CAMKK2: variants seen among roughly 807,000 people sequenced by gnomAD.
CAMKK2 encodes calcium/calmodulin-dependent protein kinase kinase 2.
A neutral mutation model predicts 67.2 loss-of-function variants in CAMKK2; 30 were observed. That is an observed-to-expected ratio of 0.45 (90% CI 0.33 to 0.61). CAMKK2 has a LOEUF of 0.61. Ranked by LOEUF, CAMKK2 falls within the 20% of genes least tolerant of loss-of-function variation. The probability of loss-of-function intolerance (pLI) is 0.02; values close to 1 mark genes in which losing one functional copy is unlikely to be tolerated. For missense variants in CAMKK2, 643 were observed against 802.0 expected (o/e 0.80, Z 2.39); for synonymous variants, 322 against 326.2 (o/e 0.99, Z 0.14).
chr12:121,297,002 G>A (rs1431119303), upstream of CAMKK2: 1 of 153,210 alleles, frequency 6.5e-6, no homozygotes, highest in Non-Finnish European at 1.5e-5. Flanking sequence ...CGAAGAACGG[G>A]GGAAGAGAGG....
rs200977605 is a variant in CAMKK2, at chr12:121,243,997, G to A, written c.1596+576C>T. The A allele has an allele frequency of 6.3e-4, 963 of 1,534,344 alleles. 13 individuals carry two copies. The highest frequency in any genetic ancestry group is 1.4e-4 in the Non-Finnish European group (165 of 1,138,644). Reference sequence around the variant, plus strand: ...GGACACAAAGCCTCATCTGTCCTGGGAGGTTCTGGTCACCTGGGCTGGCTA... The same window carrying A: ...GGACACAAAGCCTCATCTGTCCTGGAAGGTTCTGGTCACCTGGGCTGGCTA... On this transcript the variant is annotated intron_variant, in intron 16 of 16. Coordinates refer to ENST00000404169, the MANE Select transcript of CAMKK2 (RefSeq NM_001270485.2).
intron 5 of CAMKK2, among the ~76,000 whole-genome samples, chr12:121,264,691 G>C (rs568678936): frequency 6.6e-6 from 1 of 151,878 alleles, no homozygotes; most frequent in East Asian, 1.9e-4. Context: ...GGAGAATGGC[G>C]TGAACCTGGG....
At position 121,255,624 on chromosome 12, in the gene CAMKK2, A is replaced by G; in HGVS notation, c.833T>C (p.Val278Ala). The G allele has an allele frequency of 6.2e-7, 1 of 1,612,878 alleles. No homozygotes were observed. Among genetic ancestry groups the G allele is most frequent in the South Asian group, 1.1e-5 (1 of 90,862 alleles). The change falls in exon 9 of 17, where the codon GTG becomes GCG. Residue 278 changes from valine (V) to alanine (A), a missense_variant. Around this residue, in one of 3 missense-constraint regions of CAMKK2, gnomAD observed 483 missense variants for 625.8 expected, o/e 0.77. Transcript: ENST00000404169. Reference sequence around the variant, plus strand: ...TTCAGAGAGTGGTTTGAGGGTGGGCACTTCCATCACGGGCCTGAAAGGTCG... The same window carrying G: ...TTCAGAGAGTGGTTTGAGGGTGGGCGCTTCCATCACGGGCCTGAAAGGTCG... ...ELVNQGPVME[V>A]PTLKPLSEDQ... is the part of the protein sequence containing the mutation.
At chr12:121,271,414 C>G (rs1279830267) in intron 2 of CAMKK2, among the ~76,000 whole-genome samples, 1 of 152,138 alleles carries the variant, frequency 6.6e-6, no homozygotes, top group African/African-American at 2.4e-5. Flanking sequence ...CAGGTGGCCA[C>G]TCTCTTGACT....
At position 121,255,787 on chromosome 12, in the gene CAMKK2, G is replaced by A. The variant is rs1161270986; in HGVS notation, c.814C>T (p.Gln272Ter). The A allele has an allele frequency of 6.2e-7, 1 of 1,613,934 alleles. No homozygotes were observed. Among genetic ancestry groups the A allele is most frequent in the Non-Finnish European group, 8.5e-7 (1 of 1,179,922 alleles). ...HLYMVFELVNQGPVMEVPTLK... is the reference protein window; with the variant it reads ...HLYMVFELVN ...GCTGGGAGCTGGGACACTCACCCTT[G>A]GTTGACCAGTTCGAACACTGTAGGG... The change falls in exon 8 of 17, where the codon CAA becomes TAA. Residue 272 changes from glutamine (Q) to a stop codon, truncating the protein, a stop_gained. Coordinates refer to ENST00000404169, the MANE Select transcript of CAMKK2 (RefSeq NM_001270485.2). LOFTEE classifies it high-confidence loss of function.
intron 1 of CAMKK2, among the ~76,000 whole-genome samples, chr12:121,288,691 C>T (rs1157216984): frequency 3.3e-5 from 5 of 152,148 alleles, no homozygotes; most frequent in Non-Finnish European, 5.9e-5. Flanking sequence ...GCCTAAGCCA[C>T]GTGGGCAGAG....
At chr12:121,258,842 A>ATTTTT (rs63519464) in intron 7 of CAMKK2, among the ~76,000 whole-genome samples, 1 of 129,588 alleles carries the variant, frequency 7.7e-6, no homozygotes, top group Non-Finnish European at 1.6e-5. Flanking sequence ...GTCAAAGCCA[A>ATTTTT]TTTTTTTTTT....
chr12:121,243,910 G>A, intron 16 of CAMKK2: 2 of 1,411,208 alleles, frequency 1.4e-6, no homozygotes, highest in Non-Finnish European at 9.2e-7. Context: ...AAGGGCAGTG[G>A]GGTCCCCACC....
chr12:121,267,477 C>T (rs1217822811), intron 5 of CAMKK2, among the ~76,000 whole-genome samples: 1 of 149,984 alleles, frequency 6.7e-6, no homozygotes, highest in African/African-American at 2.5e-5. Context: ...GCAACCATCA[C>T]CATTATCTAT....
Position 121,274,312 on chromosome 12 carries a change from C to T in CAMKK2, c.215G>A (p.Arg72Gln), listed in dbSNP as rs201878323. Reference protein sequence around the residue: ...CAVDLGLARDRPLEADGQEVP... With the variant: ...CAVDLGLARDQPLEADGQEVP... The stretch of plus-strand genomic sequence containing the variant: ...CTCTTGGCCATCGGCCTCCAGGGGC[C>T]GGTCCCGCGCCAAGCCGAGGTCCAC... The change falls in exon 2 of 17, where the codon CGG (arginine) becomes CAG (glutamine). Residue 72 changes from arginine (R) to glutamine (Q), a missense_variant. Around this residue, in one of 3 missense-constraint regions of CAMKK2, gnomAD observed 483 missense variants for 625.8 expected, o/e 0.77. Coordinates refer to ENST00000404169, the MANE Select transcript of CAMKK2 (RefSeq NM_001270485.2). 154 of 1,612,986 alleles carry T rather than the reference C, an allele frequency of 9.5e-5. 1 individual carries two copies. In the South Asian group the frequency reaches 1.2e-3, roughly 12 times the overall value.
intron 1 of CAMKK2, among the ~76,000 whole-genome samples, chr12:121,283,658 T>A (rs535749075): frequency 5.3e-5 from 8 of 152,010 alleles, no homozygotes; most frequent in Non-Finnish European, 7.4e-5. Flanking sequence ...ACAAAAAAAA[T>A]TTTTTAAATT....
rs1160751187 is a variant in CAMKK2, at chr12:121,253,205, C to T, written c.1107+68G>A. On this transcript the variant is annotated intron_variant, in intron 10 of 16. Transcript: ENST00000404169. The surrounding 1 kb of genome is among the most constrained non-coding windows in gnomAD (Gnocchi z 5.0). ...GTTTAAGCCTGTGTGCGTTGGGTTT[C>T]TGCTGCTTACAATCCAGAAGACACT... 9 of 1,416,974 alleles carry T rather than the reference C, an allele frequency of 6.4e-6. No homozygotes were observed. In the Admixed American group the frequency reaches 1.6e-4, roughly 25 times the overall value. 87.8% of individuals were successfully genotyped at this position (1,416,974 alleles called of 1,614,324 possible). A position where few individuals can be genotyped will look rare whatever the true frequency, so the allele number is the denominator to read the frequency against.
rs111458893 is a variant in CAMKK2 at position 121,244,677 on chromosome 12, C to A, written c.1554-62G>T. 1.3e-3 allele frequency: 1,788 copies of A among 1,352,084 alleles called. 16 individuals are homozygous for A. In the African/African-American group the frequency reaches 0.023, roughly 17 times the overall value. The allele number at this position is 1,352,084 out of a possible 1,614,324, so 83.8% of individuals were successfully genotyped here. On this transcript the variant is annotated intron_variant, in intron 15 of 16. Transcript: ENST00000404169. ...AGGGACCCTTGGGATCCACGGGATG[C>A]CCGTTCCCCCACCCTGAGACACTCA...
At position 121,250,147 on chromosome 12, in the gene CAMKK2, G is replaced by A. The variant is rs375209458; in HGVS notation, c.1162-113C>T. On this transcript the variant is annotated intron_variant, in intron 11 of 16. Coordinates refer to ENST00000404169, the MANE Select transcript of CAMKK2 (RefSeq NM_001270485.2). ...ATACAGCAGAGAAATCAACAATTGC[G>A]GCCCAGGCTAGGGGGCAAGCAGTTC... is the stretch of plus-strand genomic sequence containing the variant. 1.3e-5 allele frequency: 11 copies of A among 845,404 alleles called. No homozygotes were observed. In the East Asian group the frequency reaches 1.3e-4, roughly 10 times the overall value. The allele number at this position is 845,404 out of a possible 1,614,324, so 52.4% of individuals were successfully genotyped here.
intron 7 of CAMKK2, among the ~76,000 whole-genome samples, chr12:121,257,267 A>G (rs933931595): frequency 2.0e-5 from 3 of 149,856 alleles, no homozygotes; most frequent in East Asian, 1.9e-4. Flanking sequence ...TTTTTTTTGA[A>G]ATGGAGTCTT....
intron 1 of CAMKK2, among the ~76,000 whole-genome samples, chr12:121,276,901 G>A (rs1896922272): frequency 9.7e-6 from 1 of 102,610 alleles, no homozygotes; most frequent in Non-Finnish European, 1.9e-5. Flanking sequence ...AAAGGGCGGG[G>A]TGGGGGGGGG....
At chr12:121,273,974 C>T in intron 2 of CAMKK2, 82 bp downstream of exon 2, 1 of 1,120,008 alleles carries the variant, frequency 8.9e-7, no homozygotes, top group Admixed American at 3.0e-5. Flanking sequence ...CTGGGGGAGC[C>T]CAACCTTCCA....
chr12:121,267,369 C>T (rs1894837972), intron 5 of CAMKK2, among the ~76,000 whole-genome samples: 1 of 151,856 alleles, frequency 6.6e-6, no homozygotes, highest in South Asian at 2.1e-4. Context: ...ACCTTGGCCT[C>T]CCAAAGTGCT....
chr12:121,246,971 C>A (rs1204308829), intron 14 of CAMKK2, among the ~76,000 whole-genome samples: 1 of 152,132 alleles, frequency 6.6e-6, no homozygotes, highest in Non-Finnish European at 1.5e-5. Context: ...CAAGTCAGAC[C>A]ACTTCCCAGT....
Sources: allele counts gnomAD v4.1 joint callset (sites outside exome capture counted in the v4.1 genomes callset), GRCh38; gene constraint gnomAD v4.1.1; regional missense constraint gnomAD v4.1.1; non-coding constraint Gnocchi (gnomAD v3.1); transcripts MANE v1.5; gene names NCBI Gene and HGNC (gene_info 2026-07-23, HGNC 2026-07-21).